Variants in NPB observed in about 807,000 individuals in gnomAD.
NPB encodes the protein prepro-NPB.
NPB carries 8 observed loss-of-function variants against 6.7 expected under a neutral mutation model. The ratio of observed to expected loss-of-function variants is 1.20; its 90% CI spans 0.71 to 2.17. The LOEUF (loss-of-function observed/expected upper bound fraction) is 2.17. Among genes scored for constraint, NPB ranks in the 30% most tolerant of loss-of-function variants. The probability of loss-of-function intolerance (pLI) is 0.00; values close to 1 mark genes in which losing one functional copy is unlikely to be tolerated. For missense variants in NPB, 199 were observed against 190.2 expected (o/e 1.05, Z -0.27); for synonymous variants, 118 against 103.4 (o/e 1.14, Z -0.86).
In NPB at chr17:81,902,515, C is replaced by A. The variant is rs533951965; in HGVS notation, c.238C>A (p.Leu80Met). 1,175 of 1,446,844 alleles carry A rather than the reference C, an allele frequency of 8.1e-4. No homozygotes were observed. The highest frequency in any genetic ancestry group is 1.0e-3 in the Non-Finnish European group (1,123 of 1,106,534). The allele number at this position is 1,446,844 out of a possible 1,614,324, so 89.6% of individuals were successfully genotyped here. ...ASPELQLHPR[L>M]RSLAVCVQDV... Reference sequence around the variant, plus strand: ...CCCGGAGCTGCAACTGCACCCCAGGCTGCGGAGCCTCGTGAGTCCGGCGTG... The same window carrying A: ...CCCGGAGCTGCAACTGCACCCCAGGATGCGGAGCCTCGTGAGTCCGGCGTG... The change falls in exon 1 of 2, where the codon CTG becomes ATG. Residue 80 changes from leucine (L) to methionine (M), a missense_variant. Leu to Met is a conservative substitution (Grantham distance 15). Coordinates refer to ENST00000333383, the MANE Select transcript of NPB (RefSeq NM_148896.5).
At position 81,902,683 on chromosome 17, in the gene NPB, G is replaced by C. The variant is rs2040004896; in HGVS notation, c.313G>C (p.Gly105Arg). The C allele has an allele frequency of 6.2e-7, 1 of 1,608,424 alleles. No individual in the cohort carries two copies. Among genetic ancestry groups the C allele is most frequent in the Admixed American group, 1.7e-5 (1 of 59,842 alleles). The change falls in exon 2 of 2, where the codon GGG becomes CGG. Residue 105 changes from glycine (G) to arginine (R), a missense_variant. Physicochemically the swap from Gly to Arg is moderately radical, Grantham distance 125 (BLOSUM62 -2). Coordinates refer to ENST00000333383, the MANE Select transcript of NPB (RefSeq NM_148896.5). Reference protein sequence around the residue: ...QRCERLPDGRGTYQCKANVFL... With the variant: ...QRCERLPDGRRTYQCKANVFL... ...GTGCGAGCGGCTCCCCGACGGCCGC[G>C]GGACCTACCAGTGCAAGGCGAACGT...
chr17:81,902,334 G>A lies in NPB; in HGVS notation c.57G>A (p.Ala19=). ...AAALALCLLL[A]PPGLAWYKPA... ...CCCTGGCGCTGTGCCTGCTGCTGGC[G>A]CCGCCTGGCCTCGCGTGGTACAAGC... Residue 19 remains alanine, a synonymous_variant, in exon 1 of 2, where the codon GCG becomes GCA. Coordinates refer to ENST00000333383, the MANE Select transcript of NPB (RefSeq NM_148896.5). 1 of 1,338,994 alleles carries A rather than the reference G, an allele frequency of 7.5e-7. No homozygotes were observed. 82.9% of individuals were successfully genotyped at this position (1,338,994 alleles called of 1,614,324 possible).
rs2039982504 is a variant in NPB at position 81,902,290 on chromosome 17, G to A, written c.13G>A (p.Ala5Thr). MARS[A>T]TLAAAALALC... ...AGCCGGCGTCCCCATGGCCCGGTCC[G>A]CGACACTGGCGGCCGCCGCCCTGGC... The change falls in exon 1 of 2, where the codon GCG (alanine) becomes ACG (threonine). Residue 5 changes from alanine to threonine, a missense_variant. Transcript: ENST00000333383. 1.5e-6 allele frequency: 2 copies of A among 1,319,642 alleles called. No individual in the cohort carries two copies. Among genetic ancestry groups the A allele is most frequent in the Non-Finnish European group, 1.9e-6 (2 of 1,041,674 alleles). 81.7% of individuals were successfully genotyped at this position (1,319,642 alleles called of 1,614,324 possible). A position where few individuals can be genotyped will look rare whatever the true frequency, so the allele number is the denominator to read the frequency against.
chr17:81,902,353 T>C lies in NPB; in HGVS notation c.76T>C (p.Tyr26His), dbSNP rs953011735. The C allele has an allele frequency of 1.5e-6, 2 of 1,348,588 alleles. No individual in the cohort carries two copies. The highest frequency in any genetic ancestry group is 3.1e-5 in the African/African-American group (2 of 64,938). 83.5% of individuals were successfully genotyped at this position (1,348,588 alleles called of 1,614,324 possible). A position where few individuals can be genotyped will look rare whatever the true frequency, so the allele number is the denominator to read the frequency against. The change falls in exon 1 of 2, where the codon TAC becomes CAC. Residue 26 changes from tyrosine (Y) to histidine (H), a missense_variant. Coordinates refer to ENST00000333383, the MANE Select transcript of NPB (RefSeq NM_148896.5). ...GCTGGCGCCGCCTGGCCTCGCGTGG[T>C]ACAAGCCAGCGGCGGGGCACAGCTC... is the stretch of plus-strand genomic sequence containing the variant. The part of the protein sequence containing the change: ...LLLAPPGLAW[Y>H]KPAAGHSSYS...
At chr17:81,902,552 TG>T (rs1308187231) in intron 1 of NPB, 26 bp downstream of exon 1, 8 of 1,493,588 alleles carry the variant, frequency 5.4e-6, no homozygotes, top group Non-Finnish European at 6.2e-6. Context: ...CGGGGACTGA[TG>T]GGGGGCGGCG....
chr17:81,902,862 C>G lies in NPB; in HGVS notation c.*114C>G. 1 of 922,962 alleles carries G rather than the reference C, an allele frequency of 1.1e-6. No homozygotes were observed. The highest frequency in any genetic ancestry group is 1.6e-6 in the Non-Finnish European group (1 of 643,202). 57.2% of individuals were successfully genotyped at this position (922,962 alleles called of 1,614,324 possible). A position where few individuals can be genotyped will look rare whatever the true frequency, so the allele number is the denominator to read the frequency against. On this transcript the variant is annotated 3_prime_UTR_variant, in exon 2 of 2. Coordinates refer to ENST00000333383, the MANE Select transcript of NPB (RefSeq NM_148896.5). ...CCAGGTCTCCCCTACTCCGCTCACC[C>G]CGCAGTTAATGGCAAACGAATAAAT... is the stretch of plus-strand genomic sequence containing the variant.
chr17:81,902,895 G>A lies in NPB; in HGVS notation c.*147G>A, dbSNP rs1455245705. 1.4e-6 allele frequency: 1 copy of A among 705,810 alleles called. No individual in the cohort carries two copies. The highest frequency in any genetic ancestry group is 1.9e-5 in the African/African-American group (1 of 53,026). 43.7% of individuals were successfully genotyped at this position (705,810 alleles called of 1,614,324 possible). On this transcript the variant is annotated 3_prime_UTR_variant, in exon 2 of 2. Transcript: ENST00000333383. Reference sequence around the variant, plus strand: ...AATGGCAAACGAATAAATAAATGAGGCGGCCTCGGAGTGAGGGGTGCTGGA... The same window carrying A: ...AATGGCAAACGAATAAATAAATGAGACGGCCTCGGAGTGAGGGGTGCTGGA...
Position 81,902,606 on chromosome 17 carries a change from T to C in NPB, c.250-14T>C. 1 of 1,562,880 alleles carries C rather than the reference T, an allele frequency of 6.4e-7. No individual in the cohort carries two copies. Among genetic ancestry groups the C allele is most frequent in the Non-Finnish European group, 8.6e-7 (1 of 1,160,072 alleles). On this transcript the variant is annotated splice_polypyrimidine_tract_variant and intron_variant, in intron 1 of 1. Transcript: ENST00000333383. ...GTGCGGCGGCCCCTCAGCCTTTGCT[T>C]GCCTGCCCCCCAGGCTGTGTGCGTC...
Position 81,902,730 on chromosome 17 carries a change from C to A in NPB, c.360C>A (p.Ala120=). 1 of 1,607,576 alleles carries A rather than the reference C, an allele frequency of 6.2e-7. No homozygotes were observed. The highest frequency in any genetic ancestry group is 8.5e-7 in the Non-Finnish European group (1 of 1,178,194). The change falls in exon 2 of 2, where the codon GCC becomes GCA. Residue 120 remains alanine (A), a synonymous_variant. Coordinates refer to ENST00000333383, the MANE Select transcript of NPB (RefSeq NM_148896.5). ...KANVFLSLRA[A]DCLAA ...ACGTCTTCCTGTCCCTGCGCGCAGC[C>A]GACTGCCTCGCCGCCTGAGCCCGGA...
rs957787690 is a variant in NPB at position 81,902,378 on chromosome 17, C to T, written c.101C>T (p.Ser34Phe). ...TACAAGCCAGCGGCGGGGCACAGCT[C>T]CTACTCGGTGGGCCGCGCCGCGGGG... The part of the protein sequence containing the change: ...AWYKPAAGHS[S>F]YSVGRAAGLL... The change falls in exon 1 of 2, where the codon TCC (serine) becomes TTC (phenylalanine). Residue 34 changes from serine (S) to phenylalanine (F), a missense_variant. Physicochemically the swap from Ser to Phe is radical, Grantham distance 155. Coordinates refer to ENST00000333383, the MANE Select transcript of NPB (RefSeq NM_148896.5). 6 of 1,343,014 alleles carry T rather than the reference C, an allele frequency of 4.5e-6. No homozygotes were observed. In the Admixed American group the frequency reaches 1.2e-4, roughly 28 times the overall value. The allele number at this position is 1,343,014 out of a possible 1,614,324, so 83.2% of individuals were successfully genotyped here.
rs763232153 is a variant in NPB at position 81,902,774 on chromosome 17, G to A, written c.*26G>A. 1.9e-6 allele frequency: 3 copies of A among 1,582,708 alleles called. No homozygotes were observed. The highest frequency in any genetic ancestry group is 1.1e-5 in the South Asian group (1 of 87,474). ...GCCCGGACCTCTCCTGGCACCGCTG[G>A]GGGCCCCCCGCCCCCACCGTCCCAC... On this transcript the variant is annotated 3_prime_UTR_variant, in exon 2 of 2. Transcript: ENST00000333383.
At position 81,902,414 on chromosome 17, in the gene NPB, G is replaced by A. The variant is rs1469102895; in HGVS notation, c.137G>A (p.Gly46Asp). 13 of 1,348,272 alleles carry A rather than the reference G, an allele frequency of 9.6e-6. No individual in the cohort carries two copies. The East Asian group carries it at 1.2e-4, about 13-fold the overall frequency. 83.5% of individuals were successfully genotyped at this position (1,348,272 alleles called of 1,614,324 possible). ...SVGRAAGLLS[G>D]LRRSPYARRS... ...GGCCGCGCCGCGGGGCTGCTGTCCG[G>A]CCTCCGCAGGTCCCCGTACGCGCGG... The change falls in exon 1 of 2, where the codon GGC (glycine) becomes GAC (aspartate). Residue 46 changes from glycine to aspartate, a missense_variant. By Grantham distance (94) the Gly-to-Asp change is moderately conservative. Transcript: ENST00000333383.
rs370783148 is a variant in NPB at position 81,902,780 on chromosome 17, C to G, written c.*32C>G. 3.8e-6 allele frequency: 6 copies of G among 1,575,684 alleles called. No individual in the cohort carries two copies. The African/African-American group carries it at 8.2e-5, about 22-fold the overall frequency. ...ACCTCTCCTGGCACCGCTGGGGGCC[C>G]CCCGCCCCCACCGTCCCACTCGGTG... On this transcript the variant is annotated 3_prime_UTR_variant, in exon 2 of 2. Coordinates refer to ENST00000333383, the MANE Select transcript of NPB (RefSeq NM_148896.5).
chr17:81,902,865 C>T lies in NPB; in HGVS notation c.*117C>T. 2 of 853,288 alleles carry T rather than the reference C, an allele frequency of 2.3e-6. No homozygotes were observed. Among genetic ancestry groups the T allele is most frequent in the Non-Finnish European group, 3.4e-6 (2 of 583,598 alleles). The allele number at this position is 853,288 out of a possible 1,614,324, so 52.9% of individuals were successfully genotyped here. On this transcript the variant is annotated 3_prime_UTR_variant, in exon 2 of 2. Transcript: ENST00000333383. ...GGTCTCCCCTACTCCGCTCACCCCGCAGTTAATGGCAAACGAATAAATAAA... is the reference window on the plus strand; with the variant it reads ...GGTCTCCCCTACTCCGCTCACCCCGTAGTTAATGGCAAACGAATAAATAAA...
In NPB at chr17:81,902,459, G is replaced by A; in HGVS notation, c.182G>A (p.Gly61Glu). Residue 61 changes from glycine to glutamate, a missense_variant, in exon 1 of 2, where the codon GGG (glycine) becomes GAG (glutamate). Coordinates refer to ENST00000333383, the MANE Select transcript of NPB (RefSeq NM_148896.5). ...GCGCGGCGCTCCCAGCCCTACAGAG[G>A]GGCGGAACCCCCGGGCGGGGCCGGC... ...PYARRSQPYR[G>E]AEPPGGAGAS... The A allele has an allele frequency of 1.4e-6, 2 of 1,387,372 alleles. No individual in the cohort carries two copies. Among genetic ancestry groups the A allele is most frequent in the Non-Finnish European group, 1.9e-6 (2 of 1,080,124 alleles). The allele number at this position is 1,387,372 out of a possible 1,614,324, so 85.9% of individuals were successfully genotyped here. A position where few individuals can be genotyped will look rare whatever the true frequency, so the allele number is the denominator to read the frequency against.
In NPB at chr17:81,902,545, G is replaced by A. The variant is rs759242584; in HGVS notation, c.249+19G>A. 99 of 1,484,166 alleles carry A rather than the reference G, an allele frequency of 6.7e-5. No individual in the cohort carries two copies. Among genetic ancestry groups the A allele is most frequent in the East Asian group, 3.1e-4 (11 of 35,810 alleles). The allele number at this position is 1,484,166 out of a possible 1,614,324, so 91.9% of individuals were successfully genotyped here. ...GAGCCTCGTGAGTCCGGCGTGCCGG[G>A]GACTGATGGGGGGCGGCGGCAGGAC... On this transcript the variant is annotated intron_variant, in intron 1 of 1. Coordinates refer to ENST00000333383, the MANE Select transcript of NPB (RefSeq NM_148896.5).
In NPB at chr17:81,902,647, AACCTGCAGAGGTG is replaced by A. The variant is rs891878160; in HGVS notation, c.278_290del (p.Asn93ThrfsTer49). On this transcript the variant is annotated frameshift_variant, in exon 2 of 2. Coordinates refer to ENST00000333383, the MANE Select transcript of NPB (RefSeq NM_148896.5). LOFTEE classifies it low-confidence loss of function (END_TRUNC). ...TGTGTGCGTCCAGGACGTCGCCCCA[AACCTGCAGAGGTG>A]CGAGCGGCTCCCCGACGGCCGCGGG... 2 of 1,604,424 alleles carry A rather than the reference AACCTGCAGAGGTG, an allele frequency of 1.2e-6. No individual in the cohort carries two copies. Among genetic ancestry groups the A allele is most frequent in the Non-Finnish European group, 1.7e-6 (2 of 1,177,582 alleles).
In NPB at chr17:81,902,807, C is replaced by T; in HGVS notation, c.*59C>T. ...CCGCCCCCACCGTCCCACTCGGTGA[C>T]CCCAGGCCCCTCCGGCGCGGGATGG... On this transcript the variant is annotated 3_prime_UTR_variant, in exon 2 of 2. Transcript: ENST00000333383. The T allele has an allele frequency of 4.0e-6, 6 of 1,481,492 alleles. No individual in the cohort carries two copies. The highest frequency in any genetic ancestry group is 1.3e-5 in the South Asian group (1 of 77,956). The allele number at this position is 1,481,492 out of a possible 1,614,324, so 91.8% of individuals were successfully genotyped here.
chr17:81,902,581 G>C (rs2039998291), intron 1 of NPB, 39 bp from the exon 2 acceptor site: 2 of 1,519,050 alleles, frequency 1.3e-6, no homozygotes, highest in Non-Finnish European at 1.8e-6. Flanking sequence ...GTGGGTGGGG[G>C]TGCGGCGGCC....
Sources: gnomAD v4.1 joint callset for allele counts on GRCh38, gnomAD v4.1.1 for gene constraint, MANE v1.5 for transcripts, NCBI Gene and HGNC (gene_info 2026-07-23, HGNC 2026-07-21) for gene names.